The following THSD4 variants were observed in gnomAD, a reference collection of about 807,000 sequenced individuals.
The protein encoded by THSD4 is thrombospondin type-1 domain-containing protein 4.
In THSD4, 69 loss-of-function variants were observed where a neutral mutation model predicts 119.0. The ratio of observed to expected loss-of-function variants is 0.58; its 90% confidence interval spans 0.48 to 0.71. The LOEUF is 0.71. THSD4 is among the 30% of genes least tolerant of loss of function. THSD4 has a pLI of 0.00. For missense variants in THSD4, 1,393 were observed against 1,391.1 expected (o/e 1.00, Z -0.02); for synonymous variants, 524 against 540.4 (o/e 0.97, Z 0.42).
chr15:71,160,039 A>G (rs568147170), intron 3 of THSD4, among the ~76,000 whole-genome samples: 1 of 152,164 alleles, frequency 6.6e-6, no homozygotes, highest in Non-Finnish European at 1.5e-5. Flanking sequence ...GGAATGTTGA[A>G]TTTTGTCATT....
chr15:71,548,730 T>C (rs755296965), intron 7 of THSD4, among the ~76,000 whole-genome samples: 1 of 152,204 alleles, frequency 6.6e-6, no homozygotes, highest in Non-Finnish European at 1.5e-5. Context: ...CTAGTTGTAG[T>C]TGAAGTTCGC....
upstream of THSD4, chr15:71,110,554 CA>C (rs2040295469): frequency 6.5e-6 from 1 of 153,444 alleles, no homozygotes; most frequent in African/African-American, 2.4e-5. Context: ...AGCTGATCAA[CA>C]GCCACTACGT....
intron 6 of THSD4, among the ~76,000 whole-genome samples, chr15:71,306,307 C>CAAAAAAAAA (rs67260180): frequency 1.1e-4 from 7 of 62,940 alleles, no homozygotes; most frequent in African/African-American, 4.0e-4. Context: ...ACTCTTGCCT[C>CAAAAAAAAA]AAAAAAAAAA....
At chr15:71,169,337 A>C (rs910475985) in intron 3 of THSD4, among the ~76,000 whole-genome samples, 7 of 152,224 alleles carry the variant, frequency 4.6e-5, no homozygotes, top group African/African-American at 1.7e-4. Context: ...GTGGGAGTTT[A>C]AATGGTAAAC....
intron 14 of THSD4, among the ~76,000 whole-genome samples, chr15:71,755,591 C>A (rs1300897498): frequency 2.7e-5 from 4 of 150,774 alleles, no homozygotes; most frequent in Non-Finnish European, 5.9e-5. Flanking sequence ...AGGCAGGGCC[C>A]AAGTCTATAT....
At chr15:71,470,537 G>A (rs1187612124) in intron 7 of THSD4, among the ~76,000 whole-genome samples, 3 of 152,090 alleles carry the variant, frequency 2.0e-5, no homozygotes, top group African/African-American at 7.2e-5. Context: ...GGAGGTACTA[G>A]TATTATCACC....
Position 71,780,925 on chromosome 15 carries a change from A to C in THSD4, c.*3551A>C, listed in dbSNP as rs1430054730. On this transcript the variant is annotated 3_prime_UTR_variant, in exon 18 of 18. Transcript: ENST00000261862. ...GCAGAGAAATCCAGATATTACCAGG[A>C]CCTGTCTAAACAAATGTTGTGGGTT... 3 of 388,060 alleles carry C rather than the reference A, an allele frequency of 7.7e-6. No individual in the cohort carries two copies. 24.0% of individuals were successfully genotyped at this position (388,060 alleles called of 1,614,324 possible). A position where few individuals can be genotyped will look rare whatever the true frequency, so the allele number is the denominator to read the frequency against.
rs147593449 is a variant in THSD4 at position 71,681,674 on chromosome 15, C to CAA, written c.1357+20957_1357+20958dup. ...TGGGCAAAAGAGTGAAACTTCGTCTCAAAAAAAAAAAAAAAAAAGTTTTAC... is the reference window on the plus strand; with the variant it reads ...TGGGCAAAAGAGTGAAACTTCGTCTCAAAAAAAAAAAAAAAAAAAAGTTTTAC... On this transcript the variant is annotated intron_variant, in intron 8 of 17. Transcript: ENST00000261862. 5.3e-3 allele frequency among the ~76,000 whole-genome samples: 526 copies of CAA among 100,024 alleles called. 2 individuals are homozygous for CAA. The highest frequency in any genetic ancestry group is 0.014 in the African/African-American group (391 of 27,322). The allele number at this position is 100,024 out of a possible 152,430, so 65.6% of individuals were successfully genotyped here. A position where few individuals can be genotyped will look rare whatever the true frequency, so the allele number is the denominator to read the frequency against.
intron 6 of THSD4, among the ~76,000 whole-genome samples, chr15:71,301,012 TTTA>T (rs1168851996): frequency 6.6e-6 from 1 of 152,216 alleles, no homozygotes; most frequent in Non-Finnish European, 1.5e-5. Context: ...CAGGTCCTGT[TTTA>T]TTTAAAATAA....
At chr15:71,560,233 T>A (rs2049091495) in intron 7 of THSD4, among the ~76,000 whole-genome samples, 1 of 152,354 alleles carries the variant, frequency 6.6e-6, no homozygotes, top group East Asian at 1.9e-4. Flanking sequence ...GTGGTTTATA[T>A]CAGAATGTAT....
At chr15:71,361,772 A>G (rs1172361745) in intron 6 of THSD4, among the ~76,000 whole-genome samples, 1 of 152,208 alleles carries the variant, frequency 6.6e-6, no homozygotes, top group African/African-American at 2.4e-5. Context: ...GGTCAAACAA[A>G]TTATATTTCA....
chr15:71,240,123 A>G (rs1310616211), intron 4 of THSD4, among the ~76,000 whole-genome samples: 3 of 152,188 alleles, frequency 2.0e-5, no homozygotes, highest in Non-Finnish European at 2.9e-5. Context: ...ACAAAAATAT[A>G]CATTGGTGCT....
rs2043770519 is a variant in THSD4 at position 71,199,747 on chromosome 15, G to GGGTGTGTGT, written c.100-15286_100-15278dup. Among the ~76,000 whole-genome samples the GGGTGTGTGT allele has an allele frequency of 2.0e-5, 3 of 147,788 alleles. No homozygotes were observed. In the South Asian group the frequency reaches 6.5e-4, roughly 32 times the overall value. On this transcript the variant is annotated intron_variant, in intron 3 of 17. Coordinates refer to ENST00000261862, the MANE Select transcript of THSD4 (RefSeq NM_024817.3). ...TGTGTAGTGTGTGTGTAGTGTGTGTGGGTGTGTGTGATGTGTGTGGTGTGT... is the reference window on the plus strand; with the variant it reads ...TGTGTAGTGTGTGTGTAGTGTGTGTGGGTGTGTGTGGTGTGTGTGATGTGTGTGGTGTGT...
intron 8 of THSD4, among the ~76,000 whole-genome samples, chr15:71,712,226 A>G (rs888957814): frequency 3.3e-5 from 5 of 152,244 alleles, no homozygotes; most frequent in Admixed American, 1.3e-4. Flanking sequence ...TTTCCCAAAT[A>G]TTAAAAAATA....
intron 13 of THSD4, 21 bp downstream of exon 13, chr15:71,747,063 G>T (rs374374339): frequency 5.7e-6 from 9 of 1,575,880 alleles, no homozygotes; most frequent in Non-Finnish European, 7.7e-6. Context: ...AGGGCAGCCC[G>T]CTCTGCAGCT....
At chr15:71,751,836 G>A (rs965666804) in intron 14 of THSD4, among the ~76,000 whole-genome samples, 5 of 151,958 alleles carry the variant, frequency 3.3e-5, no homozygotes, top group Non-Finnish European at 7.4e-5. Context: ...CACGGGTGAT[G>A]TTTTACTGTT....
At chr15:71,671,336 A>AT (rs1021499920) in intron 8 of THSD4, among the ~76,000 whole-genome samples, 106 of 151,696 alleles carry the variant, frequency 7.0e-4, no homozygotes, top group Non-Finnish European at 9.0e-4. Flanking sequence ...GAGTTGTTTG[A>AT]TTTTTTCTTG....
intron 3 of THSD4, among the ~76,000 whole-genome samples, chr15:71,185,113 A>G (rs573209809): frequency 6.6e-6 from 1 of 151,920 alleles, no homozygotes; most frequent in African/African-American, 2.4e-5. Context: ...CCTAATACCT[A>G]CATTTCCTAA....
chr15:71,656,966 A>G (rs1018284331), intron 7 of THSD4, among the ~76,000 whole-genome samples: 1 of 152,116 alleles, frequency 6.6e-6, no homozygotes, highest in African/African-American at 2.4e-5. Flanking sequence ...TTTGCATCCT[A>G]AGCATCTCTC....
Sources: gnomAD v4.1 joint callset for allele counts (sites outside exome capture counted in the v4.1 genomes callset) on GRCh38, gnomAD v4.1.1 for gene constraint, MANE v1.5 for transcripts, NCBI Gene and HGNC (gene_info 2026-07-23, HGNC 2026-07-21) for gene names.